RASGRF1: variants seen among roughly 807,000 people sequenced by gnomAD.
RASGRF1 encodes Ras protein specific guanine nucleotide releasing factor 1.
In RASGRF1, 40 loss-of-function variants were observed where a neutral mutation model predicts 138.7. The observed-to-expected ratio is 0.29, with a 90% CI of 0.22 to 0.38. The LOEUF (loss-of-function observed/expected upper bound fraction) is 0.38, where lower values mean the gene tolerates loss of function less well. Ranked by LOEUF, RASGRF1 falls within the 10% of genes least tolerant of loss-of-function variation. The pLI, the probability that RASGRF1 is intolerant of heterozygous loss-of-function variation, is 1.00. For missense variants in RASGRF1, 1,108 were observed against 1,650.4 expected (o/e 0.67, Z 5.69); for synonymous variants, 614 against 663.2 (o/e 0.93, Z 1.14).
intron 20 of RASGRF1, among the ~76,000 whole-genome samples, chr15:78,992,747 A>G (rs769491488): frequency 6.6e-5 from 10 of 152,176 alleles, no homozygotes; most frequent in Non-Finnish European, 1.2e-4. Flanking sequence ...TACCCTGTCC[A>G]GAAGTCCCGG....
At chr15:78,988,312 C>T (rs531697018) in intron 22 of RASGRF1, among the ~76,000 whole-genome samples, 1 of 152,306 alleles carries the variant, frequency 6.6e-6, no homozygotes, top group Admixed American at 6.5e-5. Flanking sequence ...TTCACTTGCT[C>T]GACTCCTGGG....
At position 79,040,460 on chromosome 15, in the gene RASGRF1, CACCCTGTAGG is replaced by C. The variant is rs949549573; in HGVS notation, c.879-5260_879-5251del. On this transcript the variant is annotated intron_variant, in intron 5 of 26. Coordinates refer to ENST00000558480, the MANE Select transcript of RASGRF1 (RefSeq NM_001145648.3). ...GGAGTGGCCTTAACTTGGCCTTCAA[CACCCTGTAGG>C]AACTGCCTCTGTCTGTCTCATGGGC... 8.3e-4 allele frequency among the ~76,000 whole-genome samples: 126 copies of C among 152,326 alleles called. 2 individuals are homozygous for C. The highest frequency in any genetic ancestry group is 7.7e-3 in the Admixed American group (118 of 15,298).
rs191822106 is a variant in RASGRF1 at position 79,002,493 on chromosome 15, C to T, written c.2450-706G>A. ...CAAAGCCACAGGTCTTCTCTTTAGA[C>T]AAGAATGTCCACAGGCACATGCACA... On this transcript the variant is annotated intron_variant, in intron 15 of 26. Coordinates refer to ENST00000558480, the MANE Select transcript of RASGRF1 (RefSeq NM_001145648.3). Among the ~76,000 whole-genome samples the T allele has an allele frequency of 3.4e-3, 522 of 152,284 alleles. 7 individuals are homozygous for T. The highest frequency in any genetic ancestry group is 5.8e-3 in the Non-Finnish European group (393 of 68,026).
At chr15:79,010,377 T>G (rs543192749) in intron 13 of RASGRF1, among the ~76,000 whole-genome samples, 1 of 152,282 alleles carries the variant, frequency 6.6e-6, no homozygotes, top group East Asian at 1.9e-4. Flanking sequence ...GCACTTCAGC[T>G]TCCCTGTCTG....
rs1331125476 is a variant in RASGRF1 at position 78,960,630 on chromosome 15, TGA to T, written c.*1512_*1513del. On this transcript the variant is annotated 3_prime_UTR_variant, in exon 27 of 27. Transcript: ENST00000558480. ...CAGTTGCTGAGTGACTGAAACTTCATGAGAGACTCCAAATAAGAACTGACAGC... is the reference window on the plus strand; with the variant it reads ...CAGTTGCTGAGTGACTGAAACTTCATGAGACTCCAAATAAGAACTGACAGC... The T allele has an allele frequency of 1.3e-5, 2 of 152,192 alleles. No individual in the cohort carries two copies. Among genetic ancestry groups the T allele is most frequent in the East Asian group, 3.8e-4 (2 of 5,204 alleles). 9.4% of individuals were successfully genotyped at this position (152,192 alleles called of 1,614,324 possible).
chr15:78,978,749 A>C, intron 24 of RASGRF1: 7 of 1,117,630 alleles, frequency 6.3e-6, no homozygotes, highest in Non-Finnish European at 7.8e-6. Flanking sequence ...GAGCCTCAGG[A>C]GAGGGGGTGC....
chr15:79,049,633 A>G lies in RASGRF1; in HGVS notation c.532-45T>C, dbSNP rs201450424. ...CAGCCTGTGAGGGGCGCTGGCTCAC[A>G]GAGGCCCCAGGTCTTTGGCCGGTGG... On this transcript the variant is annotated intron_variant, in intron 3 of 26. Coordinates refer to ENST00000558480, the MANE Select transcript of RASGRF1 (RefSeq NM_001145648.3). The G allele has an allele frequency of 7.7e-6, 12 of 1,556,034 alleles. 1 individual carries two copies. In the Admixed American group the frequency reaches 2.1e-4, roughly 27 times the overall value.
At chr15:78,993,072 T>G (rs1276733767) in intron 20 of RASGRF1, among the ~76,000 whole-genome samples, 1 of 142,846 alleles carries the variant, frequency 7.0e-6, no homozygotes, top group African/African-American at 2.6e-5. Flanking sequence ...GGGTGGTGTG[T>G]GTGGTGTGTG....
chr15:79,042,181 A>G (rs942347904), intron 5 of RASGRF1, among the ~76,000 whole-genome samples: 1 of 152,214 alleles, frequency 6.6e-6, no homozygotes. Flanking sequence ...AACATCCTCA[A>G]TGAATCTGCC....
Position 79,064,471 on chromosome 15 carries a change from G to A in RASGRF1, c.332C>T (p.Thr111Ile). Residue 111 changes from threonine to isoleucine, a missense_variant, in exon 2 of 27, where the codon ACA becomes ATA. Coordinates refer to ENST00000558480, the MANE Select transcript of RASGRF1 (RefSeq NM_001145648.3). ...HENQKALELR[T>I]EDAKDCDEWV... ...TTCGTCACAATCTTTTGCGTCCTCT[G>A]TCCTCAGCTCCAAGGCTTTCTGGTT... The A allele has an allele frequency of 6.2e-7, 1 of 1,614,182 alleles. No homozygotes were observed. The highest frequency in any genetic ancestry group is 1.1e-5 in the South Asian group (1 of 91,076).
At chr15:79,015,518 C>T in intron 12 of RASGRF1, 109 bp from the exon 13 acceptor site, 1 of 979,104 alleles carries the variant, frequency 1.0e-6, no homozygotes. Context: ...GATACAGGGT[C>T]CTCAAGCTTC....
At chr15:79,021,666 A>G (rs2056962867) in intron 10 of RASGRF1, among the ~76,000 whole-genome samples, 1 of 152,232 alleles carries the variant, frequency 6.6e-6, no homozygotes, top group Admixed American at 6.5e-5. Context: ...ACTAGAGCAT[A>G]GTGATTAAGA....
Position 79,006,079 on chromosome 15 carries a change from G to T in RASGRF1, c.2075+107C>A. 6.7e-7 allele frequency: 1 copy of T among 1,488,276 alleles called. No individual in the cohort carries two copies. Among genetic ancestry groups the T allele is most frequent in the Non-Finnish European group, 9.2e-7 (1 of 1,092,264 alleles). 92.2% of individuals were successfully genotyped at this position (1,488,276 alleles called of 1,614,324 possible). A position where few individuals can be genotyped will look rare whatever the true frequency, so the allele number is the denominator to read the frequency against. Reference sequence around the variant, plus strand: ...CGCAGCACCCCAACACGTTACTGCTGCTCCTCCAGGGACCTTCCAGGTCAC... The same window carrying T: ...CGCAGCACCCCAACACGTTACTGCTTCTCCTCCAGGGACCTTCCAGGTCAC... On this transcript the variant is annotated intron_variant, in intron 14 of 26. Coordinates refer to ENST00000558480, the MANE Select transcript of RASGRF1 (RefSeq NM_001145648.3). This position sits in a 1 kb window ranked among gnomAD's most constrained non-coding sequence, Gnocchi z 4.0.
chr15:79,056,909 T>C (rs1387992817), intron 3 of RASGRF1, among the ~76,000 whole-genome samples: 1 of 152,188 alleles, frequency 6.6e-6, no homozygotes, highest in African/African-American at 2.4e-5. Context: ...TCTCTTTGAA[T>C]TGTGTTTAGT....
At chr15:79,038,092 C>T (rs900271784) in intron 5 of RASGRF1, among the ~76,000 whole-genome samples, 76 of 152,300 alleles carry the variant, frequency 5.0e-4, no homozygotes, top group Middle Eastern at 3.4e-3. Flanking sequence ...CACTGCTCAC[C>T]TCCTGCTGTG....
intron 5 of RASGRF1, among the ~76,000 whole-genome samples, chr15:79,042,094 C>T (rs377384109): frequency 1.3e-5 from 2 of 152,154 alleles, no homozygotes; most frequent in African/African-American, 4.8e-5. Flanking sequence ...TGAACAAAGC[C>T]TGCTGCAAAT....
At chr15:79,080,754 C>A (rs2057903901) in intron 1 of RASGRF1, among the ~76,000 whole-genome samples, 1 of 152,076 alleles carries the variant, frequency 6.6e-6, no homozygotes, top group South Asian at 2.1e-4. Context: ...ATTGCATTAG[C>A]CCTGATGGAT....
intron 13 of RASGRF1, among the ~76,000 whole-genome samples, chr15:79,009,975 G>T (rs1170138980): frequency 6.6e-6 from 1 of 151,044 alleles, no homozygotes; most frequent in Non-Finnish European, 1.5e-5. Flanking sequence ...TGCCCACCTT[G>T]GCCTCCCAAA....
chr15:79,035,241 C>T lies in RASGRF1; in HGVS notation c.879-31G>A, dbSNP rs75026012. 7.6e-3 allele frequency: 11,884 copies of T among 1,569,802 alleles called. 84 individuals carry two copies. The highest frequency in any genetic ancestry group is 7.7e-3 in the Non-Finnish European group (8,853 of 1,145,522). ...AGAGAAAGCACAGGGTCAGCTCTGCCCCAGGGACTTCCTGCTGCTCCAGAG... is the reference window on the plus strand; with the variant it reads ...AGAGAAAGCACAGGGTCAGCTCTGCTCCAGGGACTTCCTGCTGCTCCAGAG... On this transcript the variant is annotated intron_variant, in intron 5 of 26. Transcript: ENST00000558480.
Sources: allele counts gnomAD v4.1 joint callset (sites outside exome capture counted in the v4.1 genomes callset), GRCh38; gene constraint gnomAD v4.1.1; non-coding constraint Gnocchi (gnomAD v3.1); transcripts MANE v1.5; gene names NCBI Gene and HGNC (gene_info 2026-07-23, HGNC 2026-07-21).